ACER1: variants seen among roughly 807,000 people sequenced by gnomAD.
The protein encoded by ACER1 is alkaline ceramidase 1.
In ACER1, 28 loss-of-function variants were observed where a neutral mutation model predicts 24.9. That is an observed-to-expected ratio of 1.13 (90% confidence interval 0.83 to 1.54). The LOEUF is 1.54. Ranked by LOEUF, ACER1 falls within the 40% of genes most tolerant of loss-of-function variation. The pLI is 0.00. For missense variants in ACER1, 352 were observed against 349.3 expected (o/e 1.01, Z -0.06); for synonymous variants, 132 against 131.4 (o/e 1.00, Z -0.03).
chr19:6,333,779 G>A (rs2091701732), upstream of ACER1: 4 of 477,994 alleles, frequency 8.4e-6, no homozygotes, highest in Non-Finnish European at 1.5e-5. Context: ...AGGCAGGGCA[G>A]GGGGCAGAAG....
intron 1 of ACER1, among the ~76,000 whole-genome samples, chr19:6,320,057 C>T (rs1223299228): frequency 1.4e-5 from 2 of 147,856 alleles, no homozygotes; most frequent in East Asian, 2.0e-4. Flanking sequence ...GAGCTGAGAT[C>T]GCACCATTGC....
At chr19:6,334,008 T>C (rs1031937191), upstream of ACER1, among the ~76,000 whole-genome samples, 2 of 151,700 alleles carry the variant, frequency 1.3e-5, no homozygotes, top group East Asian at 3.9e-4. Flanking sequence ...GCCTCTGAAG[T>C]AGCCAGGACC....
intron 1 of ACER1, among the ~76,000 whole-genome samples, chr19:6,319,294 C>T (rs975929162): frequency 5.9e-5 from 9 of 152,122 alleles, no homozygotes; most frequent in Non-Finnish European, 1.3e-4. Context: ...ACATCGGAAA[C>T]TGCCTGGATG....
chr19:6,341,529 AAAAAAAAAG>A, the ACER1 span, among the ~76,000 whole-genome samples: 2 of 150,954 alleles, frequency 1.3e-5, no homozygotes, highest in Non-Finnish European at 1.5e-5. Context: ...GTCTCAAAAA[AAAAAAAAAG>A]AAAAAAAAAG....
At chr19:6,321,711 G>A (rs1028173990) in intron 1 of ACER1, among the ~76,000 whole-genome samples, 13 of 152,158 alleles carry the variant, frequency 8.5e-5, no homozygotes, top group Admixed American at 3.3e-4. Context: ...GGGTTCAAGC[G>A]ATTCTTCTGC....
chr19:6,347,042 G>A, the ACER1 span, among the ~76,000 whole-genome samples: 2 of 143,080 alleles, frequency 1.4e-5, no homozygotes, highest in Middle Eastern at 3.7e-3. Flanking sequence ...AGGGAGTATC[G>A]CTTGAGGTCA....
Position 6,315,480 on chromosome 19 carries a change from T to C in ACER1, c.94-2981A>G, listed in dbSNP as rs371093591. The stretch of plus-strand genomic sequence containing the variant: ...CTGCAAGCTCCGCCTCCCGGGTTCA[T>C]GCCATTCTCCTGACTCAGCCTCCCC... On this transcript the variant is annotated intron_variant, in intron 1 of 5. Coordinates refer to ENST00000301452, the MANE Select transcript of ACER1 (RefSeq NM_133492.3). 2.6e-3 allele frequency among the ~76,000 whole-genome samples: 389 copies of C among 151,886 alleles called. 2 individuals are homozygous for C. Among genetic ancestry groups the C allele is most frequent in the East Asian group, 0.016 (82 of 5,140 alleles).
At chr19:6,347,230 T>A in the ACER1 span, among the ~76,000 whole-genome samples, 1 of 146,410 alleles carries the variant, frequency 6.8e-6, no homozygotes, top group East Asian at 2.0e-4. Flanking sequence ...TTTTCTTTTT[T>A]TTTTTTTTGA....
the ACER1 span, among the ~76,000 whole-genome samples, chr19:6,357,562 A>C: frequency 6.6e-6 from 1 of 151,964 alleles, no homozygotes. Flanking sequence ...ATTTGAGGTC[A>C]GGAGTTCGAG....
At chr19:6,338,955 G>A in the ACER1 span, among the ~76,000 whole-genome samples, 1 of 150,092 alleles carries the variant, frequency 6.7e-6, no homozygotes, top group East Asian at 2.0e-4. Context: ...TCGGCTCACT[G>A]CAACCTCCGC....
the ACER1 span, among the ~76,000 whole-genome samples, chr19:6,343,080 A>C: frequency 6.6e-6 from 1 of 152,096 alleles, no homozygotes; most frequent in Admixed American, 6.6e-5. Flanking sequence ...CCCAGCCAAA[A>C]GTTTTTTCTT....
the ACER1 span, among the ~76,000 whole-genome samples, chr19:6,343,129 G>C: frequency 3.3e-5 from 5 of 152,166 alleles, no homozygotes; most frequent in African/African-American, 2.4e-5. Flanking sequence ...GATGGGAAGT[G>C]GGGGAGTGGT....
chr19:6,326,610 C>T (rs1348826230), intron 1 of ACER1, among the ~76,000 whole-genome samples: 1 of 151,792 alleles, frequency 6.6e-6, no homozygotes, highest in Non-Finnish European at 1.5e-5. Context: ...AAGCAGAGAC[C>T]TTATGCCCCA....
chr19:6,336,991 A>C (rs187663652), upstream of ACER1, among the ~76,000 whole-genome samples: 2 of 150,204 alleles, frequency 1.3e-5, no homozygotes, highest in African/African-American at 4.9e-5. Context: ...GCCTGGCCAA[A>C]ATGGTGAAAC....
At chr19:6,341,991 A>C in the ACER1 span, among the ~76,000 whole-genome samples, 1 of 152,136 alleles carries the variant, frequency 6.6e-6, no homozygotes, top group African/African-American at 2.4e-5. Context: ...GAGCAATATA[A>C]AATTTCCTTT....
the ACER1 span, among the ~76,000 whole-genome samples, chr19:6,354,099 T>C: frequency 6.6e-6 from 1 of 151,404 alleles, no homozygotes; most frequent in African/African-American, 2.4e-5. Context: ...GGAGAATCAC[T>C]TGAACCCAGG....
chr19:6,326,396 G>A (rs1600243130), intron 1 of ACER1, among the ~76,000 whole-genome samples: 1 of 152,100 alleles, frequency 6.6e-6, no homozygotes, highest in South Asian at 2.1e-4. Context: ...AAGGTGTTGG[G>A]ATTACAGGCG....
At chr19:6,312,540 G>C (rs149303994) in intron 1 of ACER1, 41 bp from the exon 2 acceptor site, 11 of 1,532,354 alleles carry the variant, frequency 7.2e-6, no homozygotes, top group Non-Finnish European at 9.0e-6. Context: ...CGTCAGATAG[G>C]GGAGACGGAG....
chr19:6,347,712 T>A, the ACER1 span, among the ~76,000 whole-genome samples: 1 of 151,978 alleles, frequency 6.6e-6, no homozygotes, highest in Non-Finnish European at 1.5e-5. Flanking sequence ...GGCAGGTGCC[T>A]GTAATTCCGG....
Sources: allele counts gnomAD v4.1 joint callset (sites outside exome capture counted in the v4.1 genomes callset), GRCh38; gene constraint gnomAD v4.1.1; transcripts MANE v1.5; gene names NCBI Gene and HGNC (gene_info 2026-07-23, HGNC 2026-07-21).